SUSD4: variants seen among roughly 807,000 people sequenced by gnomAD.
SUSD4 encodes the protein sushi domain-containing protein 4.
A neutral mutation model predicts 50.5 loss-of-function variants in SUSD4; 41 were observed. The observed-to-expected ratio is 0.81, with a 90% CI of 0.63 to 1.05. The LOEUF (loss-of-function observed/expected upper bound fraction) is 1.05, where lower values mean the gene tolerates loss of function less well. SUSD4 is among the 50% of genes least tolerant of loss of function. The pLI is 0.00. For synonymous variants in SUSD4, 257 were observed against 257.3 expected, an observed-to-expected ratio of 1.00 and a Z score of 0.01; for missense variants, 580 against 634.7, an observed-to-expected ratio of 0.91 and a Z score of 0.93.
chr1:223,361,432 C>G (rs1394819935), intron 2 of SUSD4, among the ~76,000 whole-genome samples: 1 of 152,082 alleles, frequency 6.6e-6, no homozygotes, highest in Non-Finnish European at 1.5e-5. Context: ...GACAGGCAAC[C>G]CTTACTCTCA....
At chr1:223,235,823 C>G (rs1316650637) in intron 5 of SUSD4, among the ~76,000 whole-genome samples, 3 of 152,198 alleles carry the variant, frequency 2.0e-5, no homozygotes, top group Admixed American at 6.6e-5. Context: ...TCTGCTATAA[C>G]ATTTGTGTGC....
intron 5 of SUSD4, chr1:223,234,986 C>G (rs150903351): frequency 5.7e-5 from 91 of 1,596,510 alleles, no homozygotes; most frequent in South Asian, 8.0e-5. Flanking sequence ...AGTTGAGGAA[C>G]AGGTAGGTGC....
chr1:223,258,338 A>C (rs1198093106), intron 5 of SUSD4, among the ~76,000 whole-genome samples: 1 of 152,218 alleles, frequency 6.6e-6, no homozygotes, highest in East Asian at 1.9e-4. Flanking sequence ...ACATTTGGCC[A>C]AACAAGGTTC....
At chr1:223,284,237 A>G (rs1475497988) in intron 3 of SUSD4, among the ~76,000 whole-genome samples, 2 of 152,222 alleles carry the variant, frequency 1.3e-5, no homozygotes, top group Non-Finnish European at 2.9e-5. Context: ...TAATAATAAA[A>G]AAAGAAAAGA....
At chr1:223,348,808 T>C (rs1228620845) in intron 2 of SUSD4, among the ~76,000 whole-genome samples, 1 of 152,192 alleles carries the variant, frequency 6.6e-6, no homozygotes, top group Non-Finnish European at 1.5e-5. Context: ...CTTGTGATTT[T>C]TTTTAAAAGC....
intron 3 of SUSD4, chr1:223,289,345 T>G (rs1226963830): frequency 1.0e-6 from 1 of 970,582 alleles, no homozygotes; most frequent in Non-Finnish European, 1.2e-6. Flanking sequence ...CATTCAGTTC[T>G]GTAAATTCAG....
chr1:223,337,916 G>C (rs1021952309), intron 2 of SUSD4, among the ~76,000 whole-genome samples: 12 of 152,182 alleles, frequency 7.9e-5, no homozygotes, highest in Admixed American at 7.2e-4. Context: ...CAGCCCTCTG[G>C]GCAGAGCCTC....
At chr1:223,262,674 C>T (rs1662204698) in intron 5 of SUSD4, among the ~76,000 whole-genome samples, 1 of 152,208 alleles carries the variant, frequency 6.6e-6, no homozygotes. Flanking sequence ...CCCTCTGTGC[C>T]TCTCAGTTTA....
At chr1:223,314,194 C>A (rs1336558030) in intron 2 of SUSD4, among the ~76,000 whole-genome samples, 1 of 152,132 alleles carries the variant, frequency 6.6e-6, no homozygotes, top group African/African-American at 2.4e-5. Context: ...AGTTCTGTGA[C>A]TTTATGCCTG....
chr1:223,345,545 G>T (rs567427865), intron 2 of SUSD4, among the ~76,000 whole-genome samples: 1 of 152,276 alleles, frequency 6.6e-6, no homozygotes, highest in South Asian at 2.1e-4. Flanking sequence ...CACAGTCCCT[G>T]TGTCCCTCAG....
chr1:223,230,249 C>T (rs2103001288), intron 5 of SUSD4, among the ~76,000 whole-genome samples: 1 of 152,180 alleles, frequency 6.6e-6, no homozygotes, highest in Non-Finnish European at 1.5e-5. Context: ...CTTTTTATGC[C>T]ACAAGGAGCT....
chr1:223,249,924 G>T (rs1336786224), intron 5 of SUSD4, among the ~76,000 whole-genome samples: 4 of 152,206 alleles, frequency 2.6e-5, no homozygotes, highest in Admixed American at 2.6e-4. Context: ...AGGAGAAAGT[G>T]TGAGGGTGAG....
At chr1:223,313,906 G>T (rs1301344920) in intron 2 of SUSD4, among the ~76,000 whole-genome samples, 1 of 152,076 alleles carries the variant, frequency 6.6e-6, no homozygotes, top group Non-Finnish European at 1.5e-5. Context: ...GGTCTAAAAA[G>T]GAGAGGAACC....
chr1:223,330,652 T>C (rs1163117710), intron 2 of SUSD4, among the ~76,000 whole-genome samples: 1 of 152,190 alleles, frequency 6.6e-6, no homozygotes, highest in Non-Finnish European at 1.5e-5. Flanking sequence ...AAACTGCATG[T>C]CTCCGGCCTC....
chr1:223,246,766 G>A (rs1660963454), intron 5 of SUSD4, among the ~76,000 whole-genome samples: 1 of 152,118 alleles, frequency 6.6e-6, no homozygotes, highest in South Asian at 2.1e-4. Context: ...ACCACTCAGA[G>A]GTGGGAGGGG....
At chr1:223,276,575 T>A (rs928642559) in intron 3 of SUSD4, among the ~76,000 whole-genome samples, 1 of 152,244 alleles carries the variant, frequency 6.6e-6, no homozygotes, top group East Asian at 1.9e-4. Context: ...TTATTTCCTA[T>A]GGATTTTCTT....
chr1:223,230,968 A>G (rs1279678526), intron 5 of SUSD4, among the ~76,000 whole-genome samples: 1 of 152,134 alleles, frequency 6.6e-6, no homozygotes, highest in Non-Finnish European at 1.5e-5. Context: ...GTATCTAAAG[A>G]GATGGAATTT....
At chr1:223,245,603 T>C (rs1172569100) in intron 5 of SUSD4, among the ~76,000 whole-genome samples, 2 of 152,126 alleles carry the variant, frequency 1.3e-5, no homozygotes, top group South Asian at 4.1e-4. Context: ...TTTATCATAG[T>C]GTGAAGGGAC....
intron 2 of SUSD4, among the ~76,000 whole-genome samples, chr1:223,330,923 G>A: frequency 6.6e-6 from 1 of 152,166 alleles, no homozygotes; most frequent in East Asian, 1.9e-4. Context: ...GCAGAGAGAA[G>A]GGAACAGAAA....
Sources: allele counts gnomAD v4.1 joint callset (sites outside exome capture counted in the v4.1 genomes callset), GRCh38; gene constraint gnomAD v4.1.1; transcripts MANE v1.5; gene names NCBI Gene and HGNC (gene_info 2026-07-23, HGNC 2026-07-21).